The following ROBO1 variants were observed in gnomAD, a reference collection of about 807,000 sequenced individuals.
ROBO1 encodes the protein roundabout guidance receptor 1.
ROBO1 carries 149 observed loss-of-function variants against 195.9 expected under a neutral mutation model. That is an observed-to-expected ratio of 0.76 (90% CI 0.67 to 0.87). ROBO1 has a LOEUF of 0.87. Ranked by LOEUF, ROBO1 falls within the 40% of genes least tolerant of loss-of-function variation. The pLI is 0.00. For missense variants in ROBO1, 1,933 were observed against 2,068.3 expected, an observed-to-expected ratio of 0.93 and a Z score of 1.27; for synonymous variants, 816 against 733.2, an observed-to-expected ratio of 1.11 and a Z score of -1.82.
intron 1 of ROBO1, among the ~76,000 whole-genome samples, chr3:79,648,497 G>T (rs1388878770): frequency 1.3e-5 from 2 of 151,884 alleles, no homozygotes; most frequent in African/African-American, 4.8e-5. Flanking sequence ...AGAACAGGAG[G>T]ATTCAAACCA....
chr3:78,800,813 C>A (rs887798874), intron 4 of ROBO1, among the ~76,000 whole-genome samples: 1 of 152,124 alleles, frequency 6.6e-6, no homozygotes, highest in Non-Finnish European at 1.5e-5. Context: ...ATCCGCCCAC[C>A]TCTGCCTCCC....
At chr3:79,220,260 G>A (rs1267449933) in intron 2 of ROBO1, among the ~76,000 whole-genome samples, 5 of 151,752 alleles carry the variant, frequency 3.3e-5, no homozygotes, top group African/African-American at 1.2e-4. Flanking sequence ...CTCAGGCAGG[G>A]CAAAAAAGAA....
At chr3:79,687,814 A>T (rs1391191495) in intron 1 of ROBO1, among the ~76,000 whole-genome samples, 1 of 152,152 alleles carries the variant, frequency 6.6e-6, no homozygotes, top group Non-Finnish European at 1.5e-5. Flanking sequence ...CAGTGTAACG[A>T]TTCCTCAGGG....
intron 1 of ROBO1, among the ~76,000 whole-genome samples, chr3:79,699,497 G>A (rs1947550350): frequency 6.6e-6 from 1 of 151,504 alleles, no homozygotes; most frequent in South Asian, 2.1e-4. Flanking sequence ...TATAGATAAA[G>A]CAACATATTA....
In ROBO1 at chr3:79,276,778, C is replaced by T. The variant is rs370521072; in HGVS notation, c.89-151239G>A. The stretch of plus-strand genomic sequence containing the variant: ...AGGAACTCAACTCAGGGAAAAAATC[C>T]TAATAATCTGATTTTTAAAATGAGC... On this transcript the variant is annotated intron_variant, in intron 2 of 30. Transcript: ENST00000464233. Among the ~76,000 whole-genome samples, 220 of 151,870 alleles carry T rather than the reference C, an allele frequency of 1.4e-3. 1 individual carries two copies. The highest frequency in any genetic ancestry group is 5.0e-3 in the African/African-American group (209 of 41,512).
At chr3:79,616,436 G>A (rs1230990473) in intron 1 of ROBO1, among the ~76,000 whole-genome samples, 1 of 152,140 alleles carries the variant, frequency 6.6e-6, no homozygotes, top group African/African-American at 2.4e-5. Context: ...CTCAGGAGCT[G>A]TAGGATCCCA....
intron 1 of ROBO1, among the ~76,000 whole-genome samples, chr3:79,760,954 C>T (rs1426267498): frequency 1.3e-5 from 2 of 150,554 alleles, no homozygotes; most frequent in African/African-American, 2.4e-5. Context: ...GAGACATGTG[C>T]CAAAAAATTG....
At chr3:78,692,529 C>A (rs1439801794) in intron 8 of ROBO1, among the ~76,000 whole-genome samples, 1 of 151,240 alleles carries the variant, frequency 6.6e-6, no homozygotes, top group Non-Finnish European at 1.5e-5. Context: ...CCTCGGCCTC[C>A]CAATGTGCTG....
chr3:79,759,361 T>G (rs755088619), intron 1 of ROBO1, among the ~76,000 whole-genome samples: 1 of 152,230 alleles, frequency 6.6e-6, no homozygotes, highest in Admixed American at 6.5e-5. Flanking sequence ...TTGGCTGTTG[T>G]GCTGAAATGT....
intron 2 of ROBO1, among the ~76,000 whole-genome samples, chr3:79,340,316 G>T (rs1459214149): frequency 6.6e-6 from 1 of 152,160 alleles, no homozygotes; most frequent in Admixed American, 6.5e-5. Context: ...CACAAGATGG[G>T]ACAAGTCCTC....
intron 2 of ROBO1, among the ~76,000 whole-genome samples, chr3:79,276,355 C>G (rs192567736): frequency 6.6e-6 from 1 of 151,870 alleles, no homozygotes; most frequent in East Asian, 1.9e-4. Context: ...AAACCAAGAA[C>G]TAACACTGGG....
At chr3:78,745,474 A>G (rs541145584) in intron 5 of ROBO1, among the ~76,000 whole-genome samples, 4 of 152,266 alleles carry the variant, frequency 2.6e-5, no homozygotes, top group Admixed American at 1.3e-4. Flanking sequence ...GATCTAGAAT[A>G]TATTTTTAAG....
At chr3:79,721,494 CGGACACATTATT>C (rs1412700836) in intron 1 of ROBO1, among the ~76,000 whole-genome samples, 2 of 152,080 alleles carry the variant, frequency 1.3e-5, no homozygotes, top group Non-Finnish European at 2.9e-5. Flanking sequence ...ACTTTCTGGA[CGGACACATTATT>C]GTCACCAAAC....
intron 3 of ROBO1, among the ~76,000 whole-genome samples, chr3:78,990,787 T>C (rs1576523739): frequency 1.3e-5 from 2 of 152,180 alleles, no homozygotes; most frequent in South Asian, 2.1e-4. Flanking sequence ...CTAGCACTCA[T>C]AGAAGTCCCA....
chr3:79,443,646 G>T (rs1372252600), intron 2 of ROBO1, among the ~76,000 whole-genome samples: 2 of 152,180 alleles, frequency 1.3e-5, no homozygotes, highest in African/African-American at 4.8e-5. Context: ...CAATATCAAT[G>T]AAAACCCCGT....
rs1448969574 is a variant in ROBO1, at chr3:78,711,295, TTC to T, written c.1045+3100_1045+3101del. On this transcript the variant is annotated intron_variant, in intron 8 of 30. Coordinates refer to ENST00000464233, the MANE Select transcript of ROBO1 (RefSeq NM_002941.4). ...CCTTTCTTTCTTTCCCTTTCTTTCT[TTC>T]TCTTTCTTTCTTTCTTTCTCTCTCT... is the stretch of plus-strand genomic sequence containing the variant. Among the ~76,000 whole-genome samples the T allele has an allele frequency of 8.4e-5, 12 of 142,966 alleles. No homozygotes were observed. The East Asian group carries it at 1.0e-3, about 12-fold the overall frequency. 93.8% of individuals were successfully genotyped at this position (142,966 alleles called of 152,430 possible).
chr3:79,550,195 G>GAAAGGAAAAGAAAA lies in ROBO1; in HGVS notation c.88+39628_88+39629insTTTTCTTTTCCTTT. ...AGAAAGAAAGAAAGAAAGAAAGAAA[G>GAAAGGAAAAGAAAA]GAAAAGAAAAGAAAAGAAAAGAAAA... On this transcript the variant is annotated intron_variant, in intron 2 of 30. Coordinates refer to ENST00000464233, the MANE Select transcript of ROBO1 (RefSeq NM_002941.4). Among the ~76,000 whole-genome samples the GAAAGGAAAAGAAAA allele has an allele frequency of 1.7e-3, 173 of 100,816 alleles. 1 individual carries two copies. The highest frequency in any genetic ancestry group is 4.3e-3 in the African/African-American group (93 of 21,430). The allele number at this position is 100,816 out of a possible 152,430, so 66.1% of individuals were successfully genotyped here. A position where few individuals can be genotyped will look rare whatever the true frequency, so the allele number is the denominator to read the frequency against.
chr3:78,848,382 T>C (rs1300935608), intron 4 of ROBO1, among the ~76,000 whole-genome samples: 1 of 152,180 alleles, frequency 6.6e-6, no homozygotes, highest in Non-Finnish European at 1.5e-5. Flanking sequence ...CTAAATTTGT[T>C]CTAGATTCTG....
At chr3:79,286,764 T>A (rs1004538775) in intron 2 of ROBO1, among the ~76,000 whole-genome samples, 4 of 152,144 alleles carry the variant, frequency 2.6e-5, no homozygotes, top group African/African-American at 9.7e-5. Context: ...ATAACTGGAA[T>A]AATAATAATA....
Sources: gnomAD v4.1 joint callset for allele counts (sites outside exome capture counted in the v4.1 genomes callset) on GRCh38, gnomAD v4.1.1 for gene constraint, MANE v1.5 for transcripts, NCBI Gene and HGNC (gene_info 2026-07-23, HGNC 2026-07-21) for gene names.